LAMA1: variants seen among roughly 807,000 people sequenced by gnomAD.
LAMA1 encodes the protein laminin subunit alpha 1.
LAMA1 carries 219 observed loss-of-function variants against 348.7 expected under a neutral mutation model. That is an observed-to-expected ratio of 0.63 (90% CI 0.56 to 0.70). The LOEUF (loss-of-function observed/expected upper bound fraction) is 0.70. Ranked by LOEUF, LAMA1 falls within the 30% of genes least tolerant of loss-of-function variation. The pLI is 0.00. For synonymous variants in LAMA1, 1,487 were observed against 1,491.0 expected, an observed-to-expected ratio of 1.00 and a Z score of 0.06; for missense variants, 3,744 against 3,888.0, an observed-to-expected ratio of 0.96 and a Z score of 0.99.
rs11660907 is a variant in LAMA1 at position 6,985,469 on chromosome 18, A to G, written c.5496+58T>C. Reference sequence around the variant, plus strand: ...AATAACAGATATGTGTGCATATAGAAAAGATGTGTGAAGATTCTTTAAAAA... The same window carrying G: ...AATAACAGATATGTGTGCATATAGAGAAGATGTGTGAAGATTCTTTAAAAA... On this transcript the variant is annotated intron_variant, in intron 38 of 62. Transcript: ENST00000389658. 3 of 1,606,600 alleles carry G rather than the reference A, an allele frequency of 1.9e-6. No individual in the cohort carries two copies. The African/African-American group carries it at 4.0e-5, about 21-fold the overall frequency.
chr18:7,081,822 G>C (rs980553613), intron 1 of LAMA1, among the ~76,000 whole-genome samples: 2 of 152,096 alleles, frequency 1.3e-5, no homozygotes. Flanking sequence ...AGTACAGCTT[G>C]ATCTTAAAAG....
In LAMA1 at chr18:7,007,131, C is replaced by G. The variant is rs777164107; in HGVS notation, c.4260+8G>C. 1 of 1,613,788 alleles carries G rather than the reference C, an allele frequency of 6.2e-7. No homozygotes were observed. Among genetic ancestry groups the G allele is most frequent in the South Asian group, 1.1e-5 (1 of 90,920 alleles). ...AACTCAGGCAAGCACCCCCACAAACCAGCATACCAGACACTTCCCGGTGTT... is the reference window on the plus strand; with the variant it reads ...AACTCAGGCAAGCACCCCCACAAACGAGCATACCAGACACTTCCCGGTGTT... On this transcript the variant is annotated splice_region_variant and intron_variant, in intron 29 of 62. Coordinates refer to ENST00000389658, the MANE Select transcript of LAMA1 (RefSeq NM_005559.4).
Position 7,050,928 on chromosome 18 carries a change from T to C in LAMA1, c.354A>G (p.Gln118=), listed in dbSNP as rs761238798. Residue 118 remains glutamine (Q), a synonymous_variant, in exon 4 of 63, where the codon CAA becomes CAG. Transcript: ENST00000389658. ...CAGCTTTAATGATGACATATGCAACTTGAAAGACCTGAAACAAAGACACTG... is the reference window on the plus strand; with the variant it reads ...CAGCTTTAATGATGACATATGCAACCTGAAAGACCTGAAACAAAGACACTG... The part of the protein sequence containing the change: ...TITLDLRQVF[Q]VAYVIIKAAN... 9 of 1,614,132 alleles carry C rather than the reference T, an allele frequency of 5.6e-6. No homozygotes were observed. Among genetic ancestry groups the C allele is most frequent in the South Asian group, 5.5e-5 (5 of 91,072 alleles).
chr18:7,032,104 C>A lies in LAMA1; in HGVS notation c.2236G>T (p.Gly746Cys), dbSNP rs372203316. The A allele has an allele frequency of 6.2e-7, 1 of 1,614,168 alleles. No individual in the cohort carries two copies. Among genetic ancestry groups the A allele is most frequent in the Non-Finnish European group, 8.5e-7 (1 of 1,180,030 alleles). The stretch of plus-strand genomic sequence containing the variant: ...TGAACATTACACTCAGCTGCATGGC[C>A]GTGGCATTCACAGGGTTGACAAATT... The part of the protein sequence containing the change: ...GGICQPCECH[G>C]HAAECNVHGV... Residue 746 changes from glycine (G) to cysteine (C), a missense_variant, in exon 16 of 63, where the codon GGC becomes TGC. Transcript: ENST00000389658.
At chr18:7,115,669 T>TAAA (rs111749663) in intron 1 of LAMA1, among the ~76,000 whole-genome samples, 1 of 137,472 alleles carries the variant, frequency 7.3e-6, no homozygotes, top group Admixed American at 7.4e-5. Flanking sequence ...AATCGTTTCT[T>TAAA]AAAAAAAAAA....
Position 7,093,243 on chromosome 18 carries a change from C to T in LAMA1, c.62-12786G>A, listed in dbSNP as rs192300283. Among the ~76,000 whole-genome samples the T allele has an allele frequency of 4.5e-3, 691 of 152,148 alleles. 4 individuals carry two copies. The highest frequency in any genetic ancestry group is 7.8e-3 in the Non-Finnish European group (529 of 67,994). On this transcript the variant is annotated intron_variant, in intron 1 of 62. Transcript: ENST00000389658. Reference sequence around the variant, plus strand: ...CATCCTGGCTAACACGGTGAAACCCCGTCTCTACTAAAAATATAAAAAATT... The same window carrying T: ...CATCCTGGCTAACACGGTGAAACCCTGTCTCTACTAAAAATATAAAAAATT...
chr18:7,074,564 A>C (rs1053695140), intron 3 of LAMA1, among the ~76,000 whole-genome samples: 1 of 152,208 alleles, frequency 6.6e-6, no homozygotes, highest in African/African-American at 2.4e-5. Context: ...GGTAGTATTG[A>C]TATATGAGAT....
At chr18:7,087,092 T>C (rs1046313775) in intron 1 of LAMA1, among the ~76,000 whole-genome samples, 28 of 152,188 alleles carry the variant, frequency 1.8e-4, no homozygotes, top group African/African-American at 6.3e-4. Context: ...GGACTGAAGT[T>C]GACCCTTTCA....
chr18:7,022,357 C>T (rs2057921824), intron 19 of LAMA1, among the ~76,000 whole-genome samples: 1 of 152,140 alleles, frequency 6.6e-6, no homozygotes, highest in South Asian at 2.1e-4. Flanking sequence ...TCATAATTAT[C>T]CTGGTATGAT....
intron 7 of LAMA1, among the ~76,000 whole-genome samples, chr18:7,044,073 A>G (rs1186738214): frequency 3.4e-5 from 5 of 148,850 alleles, no homozygotes; most frequent in Admixed American, 6.7e-5. Flanking sequence ...GGAGAATGGC[A>G]TGAAGCATGA....
chr18:7,081,187 AGT>A (rs999851642), intron 1 of LAMA1, among the ~76,000 whole-genome samples: 9 of 152,138 alleles, frequency 5.9e-5, no homozygotes, highest in Non-Finnish European at 1.0e-4. Flanking sequence ...CCAAGGCGAG[AGT>A]ATGGGTGTTC....
intron 16 of LAMA1, among the ~76,000 whole-genome samples, chr18:7,027,204 A>G (rs1256606317): frequency 6.6e-6 from 1 of 152,176 alleles, no homozygotes; most frequent in African/African-American, 2.4e-5. Flanking sequence ...GAAAAAGTAG[A>G]GTACCAGCGT....
intron 12 of LAMA1, 120 bp from the exon 13 acceptor site, chr18:7,036,208 C>T (rs1210318845): frequency 1.1e-5 from 8 of 734,816 alleles, no homozygotes; most frequent in African/African-American, 1.0e-4. Context: ...ATCCCCTTGA[C>T]CATGACAGAC....
At chr18:7,042,282 A>G in intron 8 of LAMA1, 32 bp from the exon 9 acceptor site, 1 of 1,253,826 alleles carries the variant, frequency 8.0e-7, no homozygotes, top group Non-Finnish European at 1.2e-6. Context: ...GGATTCTCTT[A>G]CTAGAAATAA....
chr18:6,994,697 AC>A (rs2057773324), intron 34 of LAMA1, among the ~76,000 whole-genome samples: 1 of 124,542 alleles, frequency 8.0e-6, no homozygotes, highest in Admixed American at 9.0e-5. Flanking sequence ...ACACACACAC[AC>A]ATACAAAATT....
chr18:7,091,624 T>C (rs1157713093), intron 1 of LAMA1, among the ~76,000 whole-genome samples: 1 of 152,238 alleles, frequency 6.6e-6, no homozygotes, highest in Admixed American at 6.5e-5. Flanking sequence ...GCATCCTTGT[T>C]TCACTATCGC....
chr18:7,036,177 G>A, intron 12 of LAMA1, 89 bp from the exon 13 acceptor site: 2 of 867,476 alleles, frequency 2.3e-6, no homozygotes, highest in South Asian at 1.4e-5. Flanking sequence ...GGATCCATCT[G>A]CAAACAACTA....
intron 3 of LAMA1, among the ~76,000 whole-genome samples, chr18:7,065,284 T>C (rs1371801106): frequency 2.7e-5 from 4 of 147,528 alleles, no homozygotes; most frequent in Non-Finnish European, 6.0e-5. Context: ...ATCCAAAAAC[T>C]ATTGTACAGA....
In LAMA1 at chr18:7,023,165, G is replaced by A. The variant is rs140067215; in HGVS notation, c.2700C>T (p.Arg900=). The A allele has an allele frequency of 1.9e-5, 31 of 1,611,816 alleles. No homozygotes were observed. Among genetic ancestry groups the A allele is most frequent in the East Asian group, 4.5e-5 (2 of 44,846 alleles). The change falls in exon 19 of 63, where the codon CGC becomes CGT. Residue 900 remains arginine (R), a splice_region_variant and synonymous_variant. Transcript: ENST00000389658. ...CTGACTTCACGCTCACGCACTCACCGCGGCAGTTCTTGGCTGTCACAGCGT... is the reference window on the plus strand; with the variant it reads ...CTGACTTCACGCTCACGCACTCACCACGGCAGTTCTTGGCTGTCACAGCGT... ...YGDAVTAKNC[R]ACECHVKGSH... is the part of the protein sequence containing the mutation.
Sources: gnomAD v4.1 joint callset for allele counts (sites outside exome capture counted in the v4.1 genomes callset) on GRCh38, gnomAD v4.1.1 for gene constraint, MANE v1.5 for transcripts, NCBI Gene and HGNC (gene_info 2026-07-23, HGNC 2026-07-21) for gene names.